CSMD1: variants seen among roughly 807,000 people sequenced by gnomAD.
CSMD1 encodes CUB and Sushi multiple domains 1, also known as CUB and sushi domain-containing protein 1.
A neutral mutation model predicts 417.5 loss-of-function variants in CSMD1; 213 were observed. The observed-to-expected ratio is 0.51, with a 90% CI of 0.46 to 0.57. The LOEUF (loss-of-function observed/expected upper bound fraction) is 0.57, where lower values mean the gene tolerates loss of function less well. Among genes scored for constraint, CSMD1 ranks in the 20% least tolerant of loss-of-function variants. The pLI is 0.00. For synonymous variants in CSMD1, 2,862 were observed against 1,736.8 expected (o/e 1.65, Z -16.11); for missense variants, 6,923 against 4,529.7 (o/e 1.53, Z -15.17).
chr8:3,149,263 T>C (rs895289388), intron 40 of CSMD1, among the ~76,000 whole-genome samples: 4 of 152,202 alleles, frequency 2.6e-5, no homozygotes, highest in Non-Finnish European at 5.9e-5. Flanking sequence ...ATAGTAACAT[T>C]GGAAAAATAA....
intron 1 of CSMD1, among the ~76,000 whole-genome samples, chr8:4,764,884 A>AACAAAAAAAAAAACAAAAAAAAAC (rs1216896798): frequency 4.1e-5 from 2 of 49,142 alleles, no homozygotes; most frequent in Non-Finnish European, 3.5e-5. Flanking sequence ...AAAAAAAAAA[A>AACAAAAAAAAAAACAAAAAAAAAC]AAAAAAAAAA....
chr8:4,813,543 T>G (rs1217157273), intron 1 of CSMD1, among the ~76,000 whole-genome samples: 3 of 152,204 alleles, frequency 2.0e-5, no homozygotes, highest in Non-Finnish European at 4.4e-5. Flanking sequence ...AGTGAATGTG[T>G]TAACTCTTTC....
chr8:3,423,891 G>T (rs577286258), intron 12 of CSMD1, among the ~76,000 whole-genome samples: 16 of 152,176 alleles, frequency 1.1e-4, no homozygotes, highest in Non-Finnish European at 5.9e-5. Flanking sequence ...CTTGTGTTTA[G>T]ACAAATTAAT....
intron 7 of CSMD1, among the ~76,000 whole-genome samples, chr8:3,644,732 G>A (rs1461511547): frequency 6.6e-6 from 1 of 152,040 alleles, no homozygotes; most frequent in Non-Finnish European, 1.5e-5. Flanking sequence ...CCTGTCAGGG[G>A]GGTGCAGTGC....
chr8:3,671,586 TATATATATGA>T (rs1799067449), intron 7 of CSMD1, among the ~76,000 whole-genome samples: 2 of 113,834 alleles, frequency 1.8e-5, no homozygotes, highest in Non-Finnish European at 1.9e-5. Context: ...TATATATATA[TATATATATGA>T]TTAGTTCTAT....
chr8:3,989,426 G>T (rs1490485217), intron 5 of CSMD1, among the ~76,000 whole-genome samples: 1 of 152,204 alleles, frequency 6.6e-6, no homozygotes, highest in African/African-American at 2.4e-5. Context: ...TCCAAGCTAG[G>T]TAAGAGCGGC....
chr8:4,945,211 T>A (rs4297055), intron 1 of CSMD1, among the ~76,000 whole-genome samples: 1 of 151,826 alleles, frequency 6.6e-6, no homozygotes, highest in Non-Finnish European at 1.5e-5. Flanking sequence ...TCCTTAGAGA[T>A]AGAAAGTAGA....
chr8:4,870,679 G>A (rs1802685989), intron 1 of CSMD1, among the ~76,000 whole-genome samples: 1 of 152,130 alleles, frequency 6.6e-6, no homozygotes, highest in African/African-American at 2.4e-5. Flanking sequence ...CAGAAGTAGG[G>A]AGAGCAAAGG....
At chr8:4,166,972 C>A (rs1237027846) in intron 3 of CSMD1, among the ~76,000 whole-genome samples, 1 of 152,164 alleles carries the variant, frequency 6.6e-6, no homozygotes, top group Admixed American at 6.5e-5. Flanking sequence ...GCTGAAGGCA[C>A]TGTGCTTTCT....
At position 3,071,351 on chromosome 8, in the gene CSMD1, C is replaced by T. The variant is rs141040430; in HGVS notation, c.7474+15746G>A. On this transcript the variant is annotated intron_variant, in intron 49 of 69. Transcript: ENST00000635120. ...GAACATCACACACCGGGGCCCATCA[C>T]GGGGTGGGGAGCAAGAGGAGGGAGA... 1.5e-3 allele frequency among the ~76,000 whole-genome samples: 229 copies of T among 152,104 alleles called. 2 individuals carry two copies. Among genetic ancestry groups the T allele is most frequent in the African/African-American group, 5.3e-3 (221 of 41,476 alleles).
At chr8:4,686,990 C>A (rs1002558260) in intron 1 of CSMD1, among the ~76,000 whole-genome samples, 2 of 152,310 alleles carry the variant, frequency 1.3e-5, no homozygotes, top group South Asian at 4.1e-4. Flanking sequence ...GGTGGCAAGA[C>A]CACTCATGAT....
intron 3 of CSMD1, among the ~76,000 whole-genome samples, chr8:4,182,464 T>A (rs185384995): frequency 3.7e-4 from 56 of 152,260 alleles, no homozygotes; most frequent in African/African-American, 1.3e-3. Flanking sequence ...GATTAAAACA[T>A]TGTTTTAATA....
intron 3 of CSMD1, among the ~76,000 whole-genome samples, chr8:4,297,787 A>T (rs1042760625): frequency 6.6e-6 from 1 of 152,212 alleles, no homozygotes; most frequent in Non-Finnish European, 1.5e-5. Context: ...GATACATTTC[A>T]AAAGGATTTT....
At chr8:3,509,369 A>G (rs1370442911) in intron 10 of CSMD1, among the ~76,000 whole-genome samples, 2 of 152,232 alleles carry the variant, frequency 1.3e-5, no homozygotes, top group Non-Finnish European at 1.5e-5. Context: ...ACTTTGTCAT[A>G]AGAAAAAATA....
chr8:4,044,841 T>G (rs1398520606), intron 3 of CSMD1, among the ~76,000 whole-genome samples: 1 of 152,216 alleles, frequency 6.6e-6, no homozygotes, highest in Non-Finnish European at 1.5e-5. Context: ...ACCCCAGGCT[T>G]GTACCATGCT....
chr8:3,653,420 T>G (rs765453586), intron 7 of CSMD1, among the ~76,000 whole-genome samples: 81 of 152,160 alleles, frequency 5.3e-4, no homozygotes, highest in Non-Finnish European at 7.5e-4. Flanking sequence ...ACGATTGTCC[T>G]GCCTCAGCCT....
chr8:3,800,400 A>G (rs760378065), intron 5 of CSMD1, among the ~76,000 whole-genome samples: 43 of 152,190 alleles, frequency 2.8e-4, no homozygotes, highest in Non-Finnish European at 3.4e-4. Flanking sequence ...ATTTAATGCA[A>G]TTATTGACAC....
chr8:3,470,023 C>T (rs1020576852), intron 11 of CSMD1, among the ~76,000 whole-genome samples: 2 of 152,062 alleles, frequency 1.3e-5, no homozygotes, highest in Non-Finnish European at 2.9e-5. Context: ...GCGCACAGAT[C>T]GTGAATGTCT....
At chr8:4,948,308 ATTTTG>A (rs956209718) in intron 1 of CSMD1, among the ~76,000 whole-genome samples, 2 of 151,928 alleles carry the variant, frequency 1.3e-5, no homozygotes, top group African/African-American at 4.8e-5. Context: ...TATAGTTGTT[ATTTTG>A]TTTTCCTTTT....
Sources: allele counts gnomAD v4.1 joint callset (sites outside exome capture counted in the v4.1 genomes callset), GRCh38; gene constraint gnomAD v4.1.1; transcripts MANE v1.5; gene names NCBI Gene and HGNC (gene_info 2026-07-23, HGNC 2026-07-21).